Variants in CSTF3 observed in about 807,000 individuals in gnomAD.
CSTF3 encodes cleavage stimulation factor subunit 3.
CSTF3 carries 29 observed loss-of-function variants against 105.8 expected under a neutral mutation model. That is an observed-to-expected ratio of 0.27 (90% CI 0.20 to 0.37). The LOEUF is 0.37. Among genes scored for constraint, CSTF3 ranks in the 10% least tolerant of loss-of-function variants. The probability of loss-of-function intolerance (pLI) is 1.00; values close to 1 mark genes in which losing one functional copy is unlikely to be tolerated. For synonymous variants in CSTF3, 252 were observed against 281.9 expected (o/e 0.89, Z 1.06); for missense variants, 357 against 879.3 (o/e 0.41, Z 7.51).
At chr11:33,136,924 T>A (rs1174861346) in intron 3 of CSTF3, among the ~76,000 whole-genome samples, 1 of 151,844 alleles carries the variant, frequency 6.6e-6, no homozygotes, top group African/African-American at 2.4e-5. Flanking sequence ...TCTAGGAAAT[T>A]TAGGTAAAAC....
chr11:33,095,314 G>GT (rs1855208642), intron 15 of CSTF3, among the ~76,000 whole-genome samples: 1 of 152,204 alleles, frequency 6.6e-6, no homozygotes. Context: ...CTGGGCTCAA[G>GT]TGATCCAAGT....
intron 1 of CSTF3, among the ~76,000 whole-genome samples, chr11:33,143,314 T>G (rs1855736774): frequency 1.3e-5 from 2 of 152,300 alleles, no homozygotes; most frequent in Non-Finnish European, 2.9e-5. Flanking sequence ...TTTACTTTTA[T>G]TATAGAAATT....
At chr11:33,097,108 A>AT (rs1185291716) in intron 13 of CSTF3, 130 bp from the exon 14 acceptor site, 5 of 654,630 alleles carry the variant, frequency 7.6e-6, no homozygotes, top group East Asian at 3.2e-5. Flanking sequence ...CCACAAACTA[A>AT]TTTTTTTCTG....
chr11:33,096,274 A>G (rs1215971386), intron 15 of CSTF3, 32 bp downstream of exon 15: 1 of 1,314,146 alleles, frequency 7.6e-7, no homozygotes. Flanking sequence ...TTTAATATTA[A>G]GTAATCATTA....
intron 10 of CSTF3, 58 bp downstream of exon 10, chr11:33,102,119 G>A (rs1347390180): frequency 1.2e-5 from 18 of 1,459,012 alleles, no homozygotes; most frequent in Non-Finnish European, 1.6e-5. Flanking sequence ...AACCTATGGG[G>A]ATACCAAGTG....
chr11:33,152,782 A>C (rs745938542), intron 1 of CSTF3, among the ~76,000 whole-genome samples: 3 of 152,100 alleles, frequency 2.0e-5, no homozygotes. Context: ...AATTTGGTGA[A>C]ACCCTGTCTC....
intron 1 of CSTF3, among the ~76,000 whole-genome samples, chr11:33,155,988 A>G (rs935720981): frequency 1.3e-5 from 2 of 152,220 alleles, no homozygotes; most frequent in South Asian, 2.1e-4. Flanking sequence ...TCCCTGAAAT[A>G]ATGTTGAAGG....
intron 18 of CSTF3, among the ~76,000 whole-genome samples, chr11:33,086,663 C>T (rs1403644173): frequency 2.6e-5 from 4 of 152,150 alleles, no homozygotes; most frequent in Non-Finnish European, 5.9e-5. Context: ...GTCTCAAACT[C>T]CTGACCTCAG....
intron 1 of CSTF3, among the ~76,000 whole-genome samples, chr11:33,155,274 G>T (rs1849848012): frequency 6.6e-6 from 1 of 151,616 alleles, no homozygotes; most frequent in South Asian, 2.1e-4. Context: ...TGAGGTAGGA[G>T]AATAGCGTGA....
chr11:33,085,997 AAAAAG>A lies in CSTF3; in HGVS notation c.1796-13_1796-9del, dbSNP rs779783320. The A allele has an allele frequency of 2.0e-4, 295 of 1,468,416 alleles. No individual in the cohort carries two copies. Among genetic ancestry groups the A allele is most frequent in the Non-Finnish European group, 2.6e-4 (290 of 1,108,690 alleles). The allele number at this position is 1,468,416 out of a possible 1,614,324, so 91.0% of individuals were successfully genotyped here. A position where few individuals can be genotyped will look rare whatever the true frequency, so the allele number is the denominator to read the frequency against. Reference sequence around the variant, plus strand: ...CAGGGTGTAAACCTGGAGCTGTGAGAAAAAGAAAAGTATGAATCAAGTGGAATGGA... The same window carrying A: ...CAGGGTGTAAACCTGGAGCTGTGAGAAAAAGTATGAATCAAGTGGAATGGA... On this transcript the variant is annotated splice_polypyrimidine_tract_variant and intron_variant, in intron 18 of 20. Transcript: ENST00000323959.
intron 1 of CSTF3, among the ~76,000 whole-genome samples, chr11:33,145,637 C>A (rs941185260): frequency 4.0e-5 from 6 of 151,784 alleles, no homozygotes; most frequent in Non-Finnish European, 7.4e-5. Context: ...CAGGGTGAAA[C>A]CCCATCTCCA....
intron 1 of CSTF3, among the ~76,000 whole-genome samples, chr11:33,156,360 G>C (rs1849865989): frequency 6.6e-6 from 1 of 152,146 alleles, no homozygotes; most frequent in Admixed American, 6.5e-5. Flanking sequence ...TGGCGATACT[G>C]TTACTTCTAA....
Position 33,085,973 on chromosome 11 carries a change from A to G in CSTF3, c.1812T>C (p.Pro604=). 6.6e-7 allele frequency: 1 copy of G among 1,517,818 alleles called. No homozygotes were observed. The highest frequency in any genetic ancestry group is 8.8e-7 in the Non-Finnish European group (1 of 1,137,234). The allele number at this position is 1,517,818 out of a possible 1,614,324, so 94.0% of individuals were successfully genotyped here. Residue 604 remains proline (P), a synonymous_variant, in exon 19 of 21, where the codon CCT becomes CCC. Transcript: ENST00000323959. ...PRHLAPPGLH[P]VPGGVFPVPP... is the part of the protein sequence containing the mutation. ...GGACTGGGAACACTCCACCAGGTAC[A>G]GGGTGTAAACCTGGAGCTGTGAGAA...
rs762990046 is a variant in CSTF3, at chr11:33,085,994, G to A, written c.1796-5C>T. ...GTACAGGGTGTAAACCTGGAGCTGT[G>A]AGAAAAAGAAAAGTATGAATCAAGT... On this transcript the variant is annotated splice_region_variant and splice_polypyrimidine_tract_variant and intron_variant, in intron 18 of 20. Coordinates refer to ENST00000323959, the MANE Select transcript of CSTF3 (RefSeq NM_001326.3). 3 of 1,465,332 alleles carry A rather than the reference G, an allele frequency of 2.0e-6. No individual in the cohort carries two copies. Among genetic ancestry groups the A allele is most frequent in the Non-Finnish European group, 1.8e-6 (2 of 1,107,524 alleles). 90.8% of individuals were successfully genotyped at this position (1,465,332 alleles called of 1,614,324 possible). A position where few individuals can be genotyped will look rare whatever the true frequency, so the allele number is the denominator to read the frequency against.
chr11:33,142,075 C>T (rs1855718475), intron 1 of CSTF3, 89 bp from the exon 2 acceptor site: 1 of 1,569,264 alleles, frequency 6.4e-7, no homozygotes, highest in Middle Eastern at 1.7e-4. Context: ...TCCTCAGATG[C>T]AATGTCACAT....
intron 3 of CSTF3, among the ~76,000 whole-genome samples, chr11:33,113,508 C>A (rs1213364055): frequency 6.6e-6 from 1 of 151,852 alleles, no homozygotes; most frequent in East Asian, 1.9e-4. Flanking sequence ...CACAGCAAGA[C>A]CCTGTCTAAA....
intron 3 of CSTF3, among the ~76,000 whole-genome samples, chr11:33,132,613 A>G (rs910046777): frequency 3.1e-4 from 47 of 152,198 alleles, no homozygotes; most frequent in Admixed American, 2.8e-3. Context: ...TCAACTCAGG[A>G]AATTCAAATT....
intron 1 of CSTF3, among the ~76,000 whole-genome samples, chr11:33,147,295 TA>T (rs891660379): frequency 2.7e-5 from 4 of 148,876 alleles, no homozygotes; most frequent in African/African-American, 7.4e-5. Flanking sequence ...ACACTGTCTC[TA>T]AAAAAAAAGA....
At chr11:33,149,319 A>G (rs1855827456) in intron 1 of CSTF3, among the ~76,000 whole-genome samples, 1 of 152,246 alleles carries the variant, frequency 6.6e-6, no homozygotes, top group Non-Finnish European at 1.5e-5. Context: ...TTCTCAATCA[A>G]CCGCATTAAT....
Sources: allele counts gnomAD v4.1 joint callset (sites outside exome capture counted in the v4.1 genomes callset), GRCh38; gene constraint gnomAD v4.1.1; transcripts MANE v1.5; gene names NCBI Gene and HGNC (gene_info 2026-07-23, HGNC 2026-07-21).